Variants in TLE6 observed in about 807,000 individuals in gnomAD.
TLE6 encodes the protein transducin-like enhancer protein 6.
Under a neutral mutation model 77.1 loss-of-function variants are expected in TLE6, and 72 were observed. The ratio of observed to expected loss-of-function variants is 0.93; its 90% confidence interval spans 0.77 to 1.14. The LOEUF (loss-of-function observed/expected upper bound fraction) is 1.14, where lower values mean the gene tolerates loss of function less well. Ranked by LOEUF, TLE6 falls within the 50% of genes most tolerant of loss-of-function variation. The probability of loss-of-function intolerance (pLI) is 0.00; values close to 1 mark genes in which losing one functional copy is unlikely to be tolerated. For missense variants in TLE6, 843 were observed against 747.6 expected, an observed-to-expected ratio of 1.13 and a Z score of -1.49; for synonymous variants, 366 against 287.3, an observed-to-expected ratio of 1.27 and a Z score of -2.77.
chr19:2,990,962 T>C (rs1001366648), intron 13 of TLE6, among the ~76,000 whole-genome samples: 1 of 150,484 alleles, frequency 6.6e-6, no homozygotes, highest in Admixed American at 6.7e-5. Flanking sequence ...GCCACTGCAC[T>C]CCAGCCTGGG....
At chr19:2,980,550 A>G (rs1206438585) in intron 3 of TLE6, 1 of 169,980 alleles carries the variant, frequency 5.9e-6, no homozygotes, top group African/African-American at 2.5e-5. Context: ...AGCCTGGCCA[A>G]CATGGTGAAA....
chr19:2,982,734 T>C (rs1452691353), intron 5 of TLE6, among the ~76,000 whole-genome samples: 1 of 151,976 alleles, frequency 6.6e-6, no homozygotes, highest in Non-Finnish European at 1.5e-5. Flanking sequence ...GCCCCATATC[T>C]TGGGGAGCAT....
rs141429475 is a variant in TLE6 at position 2,980,405 on chromosome 19, C to T, written c.134+223C>T. On this transcript the variant is annotated intron_variant, in intron 3 of 16. Coordinates refer to ENST00000246112, the MANE Select transcript of TLE6 (RefSeq NM_001143986.2). ...ATATTAAAATTTTGATTTTCCTGTTCGACATGGATTTGTTGGCATTCAATT... is the reference window on the plus strand; with the variant it reads ...ATATTAAAATTTTGATTTTCCTGTTTGACATGGATTTGTTGGCATTCAATT... 7.8e-4 allele frequency: 299 copies of T among 383,364 alleles called. 3 individuals are homozygous for T. The East Asian group carries it at 0.014, about 18-fold the overall frequency. 23.7% of individuals were successfully genotyped at this position (383,364 alleles called of 1,614,324 possible).
chr19:2,987,002 C>T lies in TLE6; in HGVS notation c.305C>T (p.Ala102Val), dbSNP rs746086010. ...GGCCAGGTCTCACCTGCTGAACCAG[C>T]CAGCCCTGGGACGCCCCAGCAGGTG... ...QSEEVSPAEP[A>V]SPGTPQQVKD... is the part of the protein sequence containing the mutation. The change falls in exon 7 of 17, where the codon GCC becomes GTC. Residue 102 changes from alanine to valine, a missense_variant. Transcript: ENST00000246112. The T allele has an allele frequency of 1.9e-6, 3 of 1,612,452 alleles. No individual in the cohort carries two copies. The highest frequency in any genetic ancestry group is 2.5e-6 in the Non-Finnish European group (3 of 1,178,914).
At chr19:2,987,598 T>C in intron 8 of TLE6, 126 bp from the exon 9 acceptor site, 1 of 1,215,970 alleles carries the variant, frequency 8.2e-7, no homozygotes, top group Non-Finnish European at 1.2e-6. Flanking sequence ...TCTCTGCAAC[T>C]CTGCCTGGAC....
chr19:2,992,803 GCGGGT>G (rs1568219740), intron 14 of TLE6, among the ~76,000 whole-genome samples: 1 of 48,224 alleles, frequency 2.1e-5, no homozygotes, highest in Non-Finnish European at 4.5e-5. Flanking sequence ...AGGGGGGGAG[GCGGGT>G]GGGGGGGGGG....
intron 16 of TLE6, among the ~76,000 whole-genome samples, 196 bp from the exon 17 acceptor site, chr19:2,994,704 T>C (rs542968269): frequency 6.6e-6 from 1 of 152,302 alleles, no homozygotes; most frequent in Admixed American, 6.5e-5. Flanking sequence ...CTTGGGAGGC[T>C]GAGGCAGGAA....
intron 11 of TLE6, 193 bp from the exon 12 acceptor site, chr19:2,988,868 G>A (rs963155638): frequency 3.9e-6 from 3 of 767,048 alleles, no homozygotes; most frequent in Non-Finnish European, 6.1e-6. Context: ...GAAGTATGTG[G>A]AGGGCTGTGG....
intron 5 of TLE6, 88 bp from the exon 6 acceptor site, chr19:2,986,741 C>A: frequency 7.7e-7 from 1 of 1,306,432 alleles, no homozygotes; most frequent in South Asian, 1.3e-5. Context: ...GATATACCTT[C>A]TTCTACAGGT....
chr19:2,994,411 C>T (rs1746287236), intron 16 of TLE6, among the ~76,000 whole-genome samples: 1 of 152,086 alleles, frequency 6.6e-6, no homozygotes, highest in African/African-American at 2.4e-5. Flanking sequence ...GAGATCAAGA[C>T]CATCCTGGCT....
At chr19:2,988,866 T>C (rs1039625912) in intron 11 of TLE6, 195 bp from the exon 12 acceptor site, 2 of 750,674 alleles carry the variant, frequency 2.7e-6, no homozygotes, top group Non-Finnish European at 4.2e-6. Flanking sequence ...CAGAAGTATG[T>C]GGAGGGCTGT....
intron 14 of TLE6, 99 bp downstream of exon 14, chr19:2,992,083 C>T (rs942238105): frequency 4.1e-6 from 6 of 1,467,742 alleles, no homozygotes; most frequent in South Asian, 2.5e-5. Context: ...CGCCTATAAT[C>T]CTAGCACTTT....
At position 2,978,273 on chromosome 19, in the gene TLE6, A is replaced by G. The variant is rs2088720211; in HGVS notation, c.40A>G (p.Lys14Glu). Residue 14 changes from lysine to glutamate, a missense_variant, in exon 2 of 17, where the codon AAA becomes GAA. By Grantham distance (56) the Lys-to-Glu change is moderately conservative (BLOSUM62 1). Coordinates refer to ENST00000246112, the MANE Select transcript of TLE6 (RefSeq NM_001143986.2). ...RDQPRPKGPPKSTSPCPGISN... is the reference protein window; with the variant it reads ...RDQPRPKGPPESTSPCPGISN... The stretch of plus-strand genomic sequence containing the variant: ...CCAGCCCAGACCCAAGGGCCCCCCG[A>G]AAAGCACTTCGGTGAGGAGGGCATG... The G allele has an allele frequency of 1.9e-6, 3 of 1,551,356 alleles. No homozygotes were observed. The African/African-American group carries it at 4.1e-5, about 21-fold the overall frequency.
At position 2,989,673 on chromosome 19, in the gene TLE6, GC is replaced by G. The variant is rs776453307; in HGVS notation, c.1133del (p.Ala378GlufsTer75). 37 of 1,614,082 alleles carry G rather than the reference GC, an allele frequency of 2.3e-5. No homozygotes were observed. Among genetic ancestry groups the G allele is most frequent in the Non-Finnish European group, 2.8e-5 (33 of 1,180,038 alleles). ...GCATGTGAAGGAGCAGTTGCCCTGT[GC>G]AGGTCTCAACTGCCAGGCCCTGGAT... is the stretch of plus-strand genomic sequence containing the variant. ...SLHVKEQLPC[A>X]GLNCQALDAN... is the part of the protein sequence containing the mutation. On this transcript the variant is annotated frameshift_variant, in exon 13 of 17. Coordinates refer to ENST00000246112, the MANE Select transcript of TLE6 (RefSeq NM_001143986.2). LOFTEE classifies it high-confidence loss of function.
intron 14 of TLE6, among the ~76,000 whole-genome samples, chr19:2,992,302 G>T (rs140052572): frequency 6.6e-6 from 1 of 152,110 alleles, no homozygotes; most frequent in African/African-American, 2.4e-5. Flanking sequence ...GTGAAACCCC[G>T]TCTCTACTAA....
At chr19:2,991,699 C>T in intron 13 of TLE6, 144 bp from the exon 14 acceptor site, 1 of 729,760 alleles carries the variant, frequency 1.4e-6, no homozygotes, top group Non-Finnish European at 2.2e-6. Flanking sequence ...TGTCTGTTTT[C>T]TGCCAACTTT....
chr19:2,989,609 G>A lies in TLE6; in HGVS notation c.1068G>A (p.Leu356=). ...SRSLLTGGYN[L]ASVSVWDLAA... ...GCCTGCTCACCGGTGGCTACAACCT[G>A]GCCAGCGTGAGCGTGTGGGACCTGG... The change falls in exon 13 of 17, where the codon CTG becomes CTA. Residue 356 remains leucine (L), a synonymous_variant. Coordinates refer to ENST00000246112, the MANE Select transcript of TLE6 (RefSeq NM_001143986.2). 1 of 1,614,060 alleles carries A rather than the reference G, an allele frequency of 6.2e-7. No homozygotes were observed. The highest frequency in any genetic ancestry group is 8.5e-7 in the Non-Finnish European group (1 of 1,180,010).
chr19:2,995,068 AC>A lies in TLE6; in HGVS notation c.*65del. 1 of 859,454 alleles carries A rather than the reference AC, an allele frequency of 1.2e-6. No homozygotes were observed. The highest frequency in any genetic ancestry group is 1.5e-5 in the South Asian group (1 of 65,084). 53.2% of individuals were successfully genotyped at this position (859,454 alleles called of 1,614,324 possible). On this transcript the variant is annotated 3_prime_UTR_variant, in exon 17 of 17. Transcript: ENST00000246112. The stretch of plus-strand genomic sequence containing the variant: ...TCATCCCCCCCCTTCCCCCCCCCCA[AC>A]AAGGGGGACATGGTGGAGGGAAGCG...
intron 3 of TLE6, among the ~76,000 whole-genome samples, chr19:2,980,629 G>A (rs1159013055): frequency 1.3e-5 from 2 of 151,572 alleles, no homozygotes; most frequent in African/African-American, 2.4e-5. Flanking sequence ...CCAACTACTT[G>A]GGAAACTGAG....
Sources: allele counts gnomAD v4.1 joint callset (sites outside exome capture counted in the v4.1 genomes callset), GRCh38; gene constraint gnomAD v4.1.1; transcripts MANE v1.5; gene names NCBI Gene and HGNC (gene_info 2026-07-23, HGNC 2026-07-21).